Variants in GHSR observed in about 807,000 individuals in gnomAD.
The protein encoded by GHSR is growth hormone secretagogue receptor, also known as growth hormone secretagogue receptor type 1.
In GHSR, 17 loss-of-function variants were observed where a neutral mutation model predicts 24.0. That is an observed-to-expected ratio of 0.71 (90% CI 0.49 to 1.06). The LOEUF (loss-of-function observed/expected upper bound fraction) is 1.06, where lower values mean the gene tolerates loss of function less well. Ranked by LOEUF, GHSR falls within the 50% of genes least tolerant of loss-of-function variation. GHSR has a pLI of 0.00. For missense variants in GHSR, 504 were observed against 483.1 expected (o/e 1.04, Z -0.41); for synonymous variants, 238 against 208.1 (o/e 1.14, Z -1.24).
chr3:172,447,883 G>T lies in GHSR; in HGVS notation c.531C>A (p.Pro177=), dbSNP rs4988509. 6,872 of 1,613,452 alleles carry T rather than the reference G, an allele frequency of 4.3e-3. 27 individuals carry two copies. The highest frequency in any genetic ancestry group is 5.2e-3 in the Non-Finnish European group (6,134 of 1,179,492). The part of the protein sequence containing the change: ...IWAVAFCSAG[P]IFVLVGVEHE... ...GCTCCACCCCGACTAGCACGAAGATGGGCCCGGCGCTGCAGAAGGCCACGG... is the reference window on the plus strand; with the variant it reads ...GCTCCACCCCGACTAGCACGAAGATTGGCCCGGCGCTGCAGAAGGCCACGG... Residue 177 remains proline, a synonymous_variant, in exon 1 of 2, where the codon CCC becomes CCA. Transcript: ENST00000241256.
In GHSR at chr3:172,448,310, A is replaced by C. The variant is rs765009184; in HGVS notation, c.104T>G (p.Leu35Arg). Reference protein sequence around the residue: ...PGNDSLGDELLQLFPAPLLAG... With the variant: ...PGNDSLGDELRQLFPAPLLAG... ...CAGCAGCGGCGCGGGGAAGAGCTGC[A>C]GCAGCTCGTCGCCCAGCGAGTCGTT... The change falls in exon 1 of 2, where the codon CTG (leucine) becomes CGG (arginine). Residue 35 changes from leucine to arginine, a missense_variant. Coordinates refer to ENST00000241256, the MANE Select transcript of GHSR (RefSeq NM_198407.2). The surrounding 1 kb of genome is among the most constrained non-coding windows in gnomAD (Gnocchi z 4.8). 1.5e-5 allele frequency: 24 copies of C among 1,610,428 alleles called. No individual in the cohort carries two copies. Among genetic ancestry groups the C allele is most frequent in the Non-Finnish European group, 2.0e-5 (24 of 1,179,834 alleles).
Position 172,448,094 on chromosome 3 carries a change from CG to C in GHSR, c.319del (p.Arg107GlyfsTer31), listed in dbSNP as rs1560129706. On this transcript the variant is annotated frameshift_variant, in exon 1 of 2. Transcript: ENST00000241256. LOFTEE classifies it high-confidence loss of function. This position sits in a 1 kb window ranked among gnomAD's most constrained non-coding sequence, Gnocchi z 4.8. ...PLDLVRLWQY[R>X]PWNFGDLLCK... The stretch of plus-strand genomic sequence containing the variant: ...GAGGAGGTCGCCGAAGTTCCAGGGC[CG>C]GTACTGCCAGAGGCGAACGAGGTCC... The C allele has an allele frequency of 6.2e-7, 1 of 1,614,174 alleles. No homozygotes were observed. Among genetic ancestry groups the C allele is most frequent in the Non-Finnish European group, 8.5e-7 (1 of 1,180,032 alleles).
rs148371213 is a variant in GHSR at position 172,445,415 on chromosome 3, G to A, written c.847C>T (p.Arg283Ter). 23 of 1,613,742 alleles carry A rather than the reference G, an allele frequency of 1.4e-5. No homozygotes were observed. Among genetic ancestry groups the A allele is most frequent in the Middle Eastern group, 1.7e-4 (1 of 5,876 alleles). ...ILCWLPFHVG[R>*]YLFSKSFEPG... ...TCAAAGGATTTGGAAAATAAATATC[G>A]CCCTACGTGGAAGGGGAGCCAGCAG... The change falls in exon 2 of 2, where the codon CGA (arginine) becomes TGA (stop). Residue 283 changes from arginine to a stop codon, truncating the protein, a stop_gained. Transcript: ENST00000241256. LOFTEE classifies it high-confidence loss of function.
rs777514924 is a variant in GHSR at position 172,448,108 on chromosome 3, G to A, written c.306C>T (p.Arg102=). The change falls in exon 1 of 2, where the codon CGC becomes CGT. Residue 102 remains arginine, a synonymous_variant. Transcript: ENST00000241256. This position sits in a 1 kb window ranked among gnomAD's most constrained non-coding sequence, Gnocchi z 4.8. ...IFLCMPLDLV[R]LWQYRPWNFG... ...AGTTCCAGGGCCGGTACTGCCAGAG[G>A]CGAACGAGGTCCAGGGGCATGCAGA... The A allele has an allele frequency of 1.2e-6, 2 of 1,614,250 alleles. No individual in the cohort carries two copies. Among genetic ancestry groups the A allele is most frequent in the South Asian group, 1.1e-5 (1 of 91,092 alleles).
In GHSR at chr3:172,447,623, A is replaced by T; in HGVS notation, c.791T>A (p.Met264Lys). 1 of 1,613,856 alleles carries T rather than the reference A, an allele frequency of 6.2e-7. No individual in the cohort carries two copies. ...RDQNHKQTVK[M>K]LAVVVFAFIL... is the part of the protein sequence containing the mutation. ...GAGCGCGCGCTGAGACCCACCCAGC[A>T]TTTTCACGGTTTGCTTGTGGTTCTG... The change falls in exon 1 of 2, where the codon ATG (methionine) becomes AAG (lysine). Residue 264 changes from methionine to lysine, a missense_variant. Met to Lys is a moderately conservative substitution (Grantham distance 95, BLOSUM62 -1). Transcript: ENST00000241256.
At chr3:172,447,332 A>T (rs1737486182) in intron 1 of GHSR, among the ~76,000 whole-genome samples, 1 of 152,198 alleles carries the variant, frequency 6.6e-6, no homozygotes, top group South Asian at 2.1e-4. Context: ...GACAGGAAGA[A>T]AGAGACACAA....
At position 172,448,128 on chromosome 3, in the gene GHSR, T is replaced by G; in HGVS notation, c.286A>C (p.Met96Leu). The change falls in exon 1 of 2, where the codon ATG becomes CTG. Residue 96 changes from methionine to leucine, a missense_variant. Transcript: ENST00000241256. This position sits in a 1 kb window ranked among gnomAD's most constrained non-coding sequence, Gnocchi z 4.8. ...CAGAGGCGAACGAGGTCCAGGGGCA[T>G]GCAGAGGAAGATGAGCAGATCGGAG... ...AFSDLLIFLC[M>L]PLDLVRLWQY... 2 of 1,614,170 alleles carry G rather than the reference T, an allele frequency of 1.2e-6. No homozygotes were observed. The highest frequency in any genetic ancestry group is 1.7e-6 in the Non-Finnish European group (2 of 1,180,022).
rs185937419 is a variant in GHSR, at chr3:172,444,200, G to A, written c.*961C>T. On this transcript the variant is annotated 3_prime_UTR_variant, in exon 2 of 2. Coordinates refer to ENST00000241256, the MANE Select transcript of GHSR (RefSeq NM_198407.2). Reference sequence around the variant, plus strand: ...ATATTCATTCTCTTCTGAGCATACAGAACAGGACATTTAGGTGTGATTTTT... The same window carrying A: ...ATATTCATTCTCTTCTGAGCATACAAAACAGGACATTTAGGTGTGATTTTT... Among the ~76,000 whole-genome samples, 47 of 152,250 alleles carry A rather than the reference G, an allele frequency of 3.1e-4. No individual in the cohort carries two copies. The highest frequency in any genetic ancestry group is 1.1e-3 in the African/African-American group (45 of 41,542).
chr3:172,445,512 G>A (rs754567059), intron 1 of GHSR, 47 bp from the exon 2 acceptor site: 1 of 1,547,948 alleles, frequency 6.5e-7, no homozygotes, highest in Non-Finnish European at 8.8e-7. Context: ...AAATGTCACA[G>A]CAAATCACAT....
In GHSR at chr3:172,444,897, T is replaced by C. The variant is rs114832731; in HGVS notation, c.*264A>G. Reference sequence around the variant, plus strand: ...CTCTGCTCTTCCTCCTTTCTCTGAATTGCAAAGCCCTCACCAGCACCCGCA... The same window carrying C: ...CTCTGCTCTTCCTCCTTTCTCTGAACTGCAAAGCCCTCACCAGCACCCGCA... On this transcript the variant is annotated 3_prime_UTR_variant, in exon 2 of 2. Coordinates refer to ENST00000241256, the MANE Select transcript of GHSR (RefSeq NM_198407.2). 1.7e-3 allele frequency among the ~76,000 whole-genome samples: 256 copies of C among 152,312 alleles called. No homozygotes were observed. Among genetic ancestry groups the C allele is most frequent in the African/African-American group, 6.0e-3 (250 of 41,562 alleles).
chr3:172,448,431 A>T lies in GHSR; in HGVS notation c.-18T>A. On this transcript the variant is annotated 5_prime_UTR_variant, in exon 1 of 2. Transcript: ENST00000241256. This position sits in a 1 kb window ranked among gnomAD's most constrained non-coding sequence, Gnocchi z 4.8. ...TTCCACATGCTGCCGGCTCAGCTGA[A>T]CAGGCTCTGGGACGTGACTGCGCTG... The T allele has an allele frequency of 6.3e-7, 1 of 1,581,452 alleles. No homozygotes were observed.
intron 1 of GHSR, among the ~76,000 whole-genome samples, chr3:172,446,919 A>G (rs779209886): frequency 7.2e-5 from 11 of 152,198 alleles, no homozygotes; most frequent in Non-Finnish European, 1.5e-4. Flanking sequence ...AAAACAAATG[A>G]GACTTCACTG....
chr3:172,448,255 G>C lies in GHSR; in HGVS notation c.159C>G (p.Leu53=). The C allele has an allele frequency of 1.2e-6, 2 of 1,613,744 alleles. No homozygotes were observed. Among genetic ancestry groups the C allele is most frequent in the East Asian group, 4.5e-5 (2 of 44,880 alleles). ...LAGVTATCVA[L]FVVGIAGNLL... is the part of the protein sequence containing the mutation. ...GGTTGCCAGCGATGCCCACCACGAA[G>C]AGTGCCACGCAGGTGGCTGTGACGC... The change falls in exon 1 of 2, where the codon CTC becomes CTG. Residue 53 remains leucine, a synonymous_variant. Coordinates refer to ENST00000241256, the MANE Select transcript of GHSR (RefSeq NM_198407.2). This position sits in a 1 kb window ranked among gnomAD's most constrained non-coding sequence, Gnocchi z 4.8.
intron 1 of GHSR, chr3:172,447,394 G>A (rs989330566): frequency 1.1e-6 from 1 of 950,708 alleles, no homozygotes. Context: ...GGAGGAGAGA[G>A]AGAGACAGAG....
rs1737428060 is a variant in GHSR at position 172,445,170 on chromosome 3, A to G, written c.1092T>C (p.Ile364=). The G allele has an allele frequency of 6.2e-7, 1 of 1,614,130 alleles. No homozygotes were observed. The highest frequency in any genetic ancestry group is 1.1e-5 in the South Asian group (1 of 91,078). ...ESSRAWTESS[I]NT is the part of the protein sequence containing the mutation. The stretch of plus-strand genomic sequence containing the variant: ...CTCGCAATGTGCTAGGTCATGTATT[A>G]ATACTAGATTCTGTCCAGGCCCGAG... The change falls in exon 2 of 2, where the codon ATT becomes ATC. Residue 364 remains isoleucine (I), a synonymous_variant. Transcript: ENST00000241256.
intron 1 of GHSR, among the ~76,000 whole-genome samples, chr3:172,445,845 G>A (rs1338267965): frequency 6.6e-6 from 1 of 152,120 alleles, no homozygotes; most frequent in African/African-American, 2.4e-5. Flanking sequence ...GTCTCCTGGG[G>A]CACTTTTTAA....
At position 172,447,682 on chromosome 3, in the gene GHSR, G is replaced by A; in HGVS notation, c.732C>T (p.Arg244=). Residue 244 remains arginine, a synonymous_variant, in exon 1 of 2, where the codon CGC becomes CGT. Coordinates refer to ENST00000241256, the MANE Select transcript of GHSR (RefSeq NM_198407.2). The part of the protein sequence containing the change: ...LIGRKLWRRR[R]GDAVVGASLR... ...GCGAGGCACCCACGACAGCATCGCC[G>A]CGCCTCCTCCGCCACAGCTTCCTGC... 1.2e-6 allele frequency: 2 copies of A among 1,614,066 alleles called. No homozygotes were observed. Among genetic ancestry groups the A allele is most frequent in the Non-Finnish European group, 1.7e-6 (2 of 1,180,012 alleles).
At chr3:172,446,385 C>T (rs544510258) in intron 1 of GHSR, among the ~76,000 whole-genome samples, 1 of 152,070 alleles carries the variant, frequency 6.6e-6, no homozygotes, top group Non-Finnish European at 1.5e-5. Flanking sequence ...GCTTAGGATC[C>T]CTTGGAGGAC....
At chr3:172,447,318 G>GAGAGACAGGAAGAA (rs748924998) in intron 1 of GHSR, among the ~76,000 whole-genome samples, 4 of 152,086 alleles carry the variant, frequency 2.6e-5, no homozygotes, top group Non-Finnish European at 4.4e-5. Flanking sequence ...AGAGAGAAAG[G>GAGAGACAGGAAGAA]AGAGACAGGA....
Sources: allele counts gnomAD v4.1 joint callset (sites outside exome capture counted in the v4.1 genomes callset), GRCh38; gene constraint gnomAD v4.1.1; non-coding constraint Gnocchi (gnomAD v3.1); transcripts MANE v1.5; gene names NCBI Gene and HGNC (gene_info 2026-07-23, HGNC 2026-07-21).